NRXN3: variants seen among roughly 807,000 people sequenced by gnomAD.
The protein encoded by NRXN3 is neurexin III.
Under a neutral mutation model 137.6 loss-of-function variants are expected in NRXN3, and 32 were observed. The observed-to-expected ratio is 0.23, with a 90% confidence interval of 0.18 to 0.31. The LOEUF is 0.31. Ranked by LOEUF, NRXN3 falls within the 10% of genes least tolerant of loss-of-function variation. The pLI, the probability that NRXN3 is intolerant of heterozygous loss-of-function variation, is 1.00. For missense variants in NRXN3, 1,574 were observed against 2,062.5 expected, an observed-to-expected ratio of 0.76 and a Z score of 4.59; for synonymous variants, 798 against 784.5, an observed-to-expected ratio of 1.02 and a Z score of -0.29.
rs148707447 is a variant in NRXN3, at chr14:79,261,189, C to T, written c.3263-206032C>T. On this transcript the variant is annotated intron_variant, in intron 15 of 20. Coordinates refer to ENST00000335750, the MANE Select transcript of NRXN3 (RefSeq NM_001330195.2). ...AATTGGGAGACACAGGGAGAAGAAA[C>T]GAAAGCTGAAGGAGTGGACTTTGAG... 5.7e-4 allele frequency among the ~76,000 whole-genome samples: 86 copies of T among 152,130 alleles called. 1 individual carries two copies. The East Asian group carries it at 0.014, about 25-fold the overall frequency.
intron 10 of NRXN3, among the ~76,000 whole-genome samples, chr14:78,864,336 G>T (rs184606730): frequency 6.6e-6 from 1 of 151,920 alleles, no homozygotes; most frequent in African/African-American, 2.4e-5. Context: ...TAACTCTATG[G>T]ATCTATATTT....
intron 15 of NRXN3, among the ~76,000 whole-genome samples, chr14:79,345,547 C>T (rs1015442112): frequency 1.3e-5 from 2 of 152,116 alleles, no homozygotes; most frequent in African/African-American, 4.8e-5. Flanking sequence ...TTGTCCTCTC[C>T]AAATCTCATG....
At chr14:79,421,375 T>C (rs1676444304) in intron 15 of NRXN3, among the ~76,000 whole-genome samples, 1 of 152,234 alleles carries the variant, frequency 6.6e-6, no homozygotes, top group South Asian at 2.1e-4. Flanking sequence ...TTAAATGTGC[T>C]GATTTAACTA....
intron 15 of NRXN3, among the ~76,000 whole-genome samples, chr14:79,457,985 C>A (rs966541737): frequency 5.3e-5 from 8 of 152,054 alleles, no homozygotes; most frequent in African/African-American, 1.9e-4. Context: ...AAAATGATTA[C>A]TTTTGTTTTT....
At chr14:78,542,294 G>C (rs1300970585) in intron 4 of NRXN3, among the ~76,000 whole-genome samples, 4 of 152,270 alleles carry the variant, frequency 2.6e-5, no homozygotes, top group Non-Finnish European at 5.9e-5. Flanking sequence ...GTGGAGTGTA[G>C]AGGTGGAGTC....
rs2067223288 is a variant in NRXN3, at chr14:78,242,830, G to C, written c.-264G>C. Reference sequence around the variant, plus strand: ...ACTCCAGTCCCTCACTTCCCCACCTGATTTTCCTCCTCTTCTGCTGGTCCT... The same window carrying C: ...ACTCCAGTCCCTCACTTCCCCACCTCATTTTCCTCCTCTTCTGCTGGTCCT... On this transcript the variant is annotated 5_prime_UTR_variant, in exon 2 of 21. Transcript: ENST00000335750. The C allele has an allele frequency of 2.2e-6, 1 of 459,468 alleles. No individual in the cohort carries two copies. Among genetic ancestry groups the C allele is most frequent in the Non-Finnish European group, 3.8e-6 (1 of 262,758 alleles). The allele number at this position is 459,468 out of a possible 1,614,324, so 28.5% of individuals were successfully genotyped here.
chr14:79,852,851 C>T (rs1400003760), intron 20 of NRXN3, among the ~76,000 whole-genome samples: 3 of 151,058 alleles, frequency 2.0e-5, no homozygotes, highest in Non-Finnish European at 4.4e-5. Context: ...GAATTAAGTG[C>T]TTTTTATATT....
intron 15 of NRXN3, among the ~76,000 whole-genome samples, chr14:79,065,177 A>C (rs1313174443): frequency 6.6e-6 from 1 of 151,970 alleles, no homozygotes; most frequent in Admixed American, 6.6e-5. Context: ...AGTATAATTC[A>C]CATCTTGCTT....
intron 19 of NRXN3, among the ~76,000 whole-genome samples, chr14:79,764,166 G>GGA (rs1491216757): frequency 8.4e-4 from 19 of 22,726 alleles, no homozygotes; most frequent in East Asian, 6.1e-3. Flanking sequence ...TTTGGTGGGT[G>GGA]GGGGGGGTGT....
intron 10 of NRXN3, among the ~76,000 whole-genome samples, chr14:78,883,474 G>A (rs959629948): frequency 1.3e-5 from 2 of 152,228 alleles, no homozygotes; most frequent in African/African-American, 4.8e-5. Context: ...AGCAGTGGAA[G>A]TATATAAAGG....
intron 15 of NRXN3, among the ~76,000 whole-genome samples, chr14:79,218,107 G>C (rs1022233951): frequency 2.0e-5 from 3 of 152,172 alleles, no homozygotes; most frequent in African/African-American, 7.2e-5. Context: ...CCCCATAATT[G>C]TTCCAATTTT....
At chr14:79,669,369 A>C (rs1446772024) in intron 17 of NRXN3, among the ~76,000 whole-genome samples, 3 of 152,126 alleles carry the variant, frequency 2.0e-5, no homozygotes, top group Non-Finnish European at 2.9e-5. Flanking sequence ...TCTTATAAAG[A>C]AGGTGCTCCA....
At chr14:78,880,227 G>A (rs1179751452) in intron 10 of NRXN3, among the ~76,000 whole-genome samples, 3 of 118,068 alleles carry the variant, frequency 2.5e-5, no homozygotes, top group Non-Finnish European at 4.8e-5. Context: ...GCGACAGAGC[G>A]AGACTCCGTC....
At chr14:78,531,254 G>A (rs531834191) in intron 4 of NRXN3, among the ~76,000 whole-genome samples, 59 of 152,114 alleles carry the variant, frequency 3.9e-4, no homozygotes, top group Non-Finnish European at 7.8e-4. Flanking sequence ...TGGGCCTGGA[G>A]GTGAGGTTTT....
chr14:78,512,928 G>T (rs528227203), intron 4 of NRXN3, among the ~76,000 whole-genome samples: 1 of 152,158 alleles, frequency 6.6e-6, no homozygotes, highest in African/African-American at 2.4e-5. Context: ...TTTCTGCCCC[G>T]TAGGATCTGA....
chr14:78,993,684 G>A (rs2099523527), intron 15 of NRXN3, among the ~76,000 whole-genome samples: 1 of 151,974 alleles, frequency 6.6e-6, no homozygotes, highest in African/African-American at 2.4e-5. Context: ...AGTCTAATGG[G>A]GAAAGACACA....
intron 1 of NRXN3, among the ~76,000 whole-genome samples, chr14:78,212,442 T>A (rs574813014): frequency 6.6e-6 from 1 of 152,350 alleles, no homozygotes; most frequent in African/African-American, 2.4e-5. Context: ...TCTTGAGGAC[T>A]AGTCAATTTC....
intron 4 of NRXN3, among the ~76,000 whole-genome samples, chr14:78,359,191 C>T (rs889974207): frequency 5.9e-5 from 9 of 152,064 alleles, no homozygotes; most frequent in Non-Finnish European, 7.4e-5. Context: ...GTGACAAGTA[C>T]GCAGTGGTTC....
At chr14:78,591,395 G>A (rs1314440766) in intron 4 of NRXN3, among the ~76,000 whole-genome samples, 3 of 152,120 alleles carry the variant, frequency 2.0e-5, no homozygotes, top group Admixed American at 1.3e-4. Flanking sequence ...TCCATATTGC[G>A]GGGCTGTGGA....
Sources: allele counts gnomAD v4.1 joint callset (sites outside exome capture counted in the v4.1 genomes callset), GRCh38; gene constraint gnomAD v4.1.1; transcripts MANE v1.5; gene names NCBI Gene and HGNC (gene_info 2026-07-23, HGNC 2026-07-21).